The following COL5A1 variants were observed in gnomAD, a reference collection of about 807,000 sequenced individuals.
COL5A1 encodes collagen alpha-1(V) chain.
In COL5A1, 16 loss-of-function variants were observed where a neutral mutation model predicts 263.7. The observed-to-expected ratio is 0.06, with a 90% CI of 0.04 to 0.09. The LOEUF (loss-of-function observed/expected upper bound fraction) is 0.09. Among genes scored for constraint, COL5A1 ranks in the 10% least tolerant of loss-of-function variants. The pLI is 1.00. For synonymous variants in COL5A1, 1,012 were observed against 1,004.5 expected (o/e 1.01, Z -0.14); for missense variants, 2,036 against 2,540.5 (o/e 0.80, Z 4.27).
chr9:134,735,179 C>T (rs3128611), intron 9 of COL5A1, among the ~76,000 whole-genome samples: 51,285 of 150,458 alleles, frequency 0.34, 10,527 homozygotes, highest in African/African-American at 0.58. Context: ...CGCCACTGCA[C>T]TCCAGCCTGG....
intron 28 of COL5A1, among the ~76,000 whole-genome samples, chr9:134,780,777 G>A (rs750714813): frequency 2.6e-5 from 4 of 152,212 alleles, no homozygotes; most frequent in East Asian, 1.9e-4. Context: ...CTGCGTGGCC[G>A]GCCACCTTTC....
At chr9:134,812,425 A>G in intron 46 of COL5A1, 24 bp from the exon 47 acceptor site, 1 of 1,613,142 alleles carries the variant, frequency 6.2e-7, no homozygotes, top group East Asian at 2.2e-5. Context: ...AACAGCGCTT[A>G]ACTGGGAAGT....
At position 134,677,155 on chromosome 9, in the gene COL5A1, G is replaced by T. The variant is rs904691412; in HGVS notation, c.110-13757G>T. ...GGTGGCAGGGCCTCTCATCTTCCTT[G>T]AGCTTCATGAAGGAACAGTGTCTCT... On this transcript the variant is annotated intron_variant, in intron 1 of 65. Transcript: ENST00000371817. The surrounding 1 kb of genome is among the most constrained non-coding windows in gnomAD (Gnocchi z 4.4). 2.0e-5 allele frequency among the ~76,000 whole-genome samples: 3 copies of T among 152,172 alleles called. No homozygotes were observed. Among genetic ancestry groups the T allele is most frequent in the Admixed American group, 6.5e-5 (1 of 15,278 alleles).
Position 134,686,934 on chromosome 9 carries a change from C to T in COL5A1, c.110-3978C>T, listed in dbSNP as rs555550547. ...GCACACAGCTGATGGGAGCAAGCCACGATGGGGAAAGGGATTGAATGCAGG... is the reference window on the plus strand; with the variant it reads ...GCACACAGCTGATGGGAGCAAGCCATGATGGGGAAAGGGATTGAATGCAGG... On this transcript the variant is annotated intron_variant, in intron 1 of 65. Coordinates refer to ENST00000371817, the MANE Select transcript of COL5A1 (RefSeq NM_000093.5). The surrounding 1 kb of genome is among the most constrained non-coding windows in gnomAD (Gnocchi z 4.6). Among the ~76,000 whole-genome samples, 8 of 152,178 alleles carry T rather than the reference C, an allele frequency of 5.3e-5. No individual in the cohort carries two copies. The highest frequency in any genetic ancestry group is 8.8e-5 in the Non-Finnish European group (6 of 68,008).
In COL5A1 at chr9:134,824,380, C is replaced by T. The variant is rs138417343; in HGVS notation, c.4699-220C>T. On this transcript the variant is annotated intron_variant, in intron 61 of 65. Transcript: ENST00000371817. ...CTCTAGAGAGAAAGGAGAGGTGCTCCATGCTGGCAAGCACCTGGCAGTGGG... is the reference window on the plus strand; with the variant it reads ...CTCTAGAGAGAAAGGAGAGGTGCTCTATGCTGGCAAGCACCTGGCAGTGGG... 3.9e-5 allele frequency among the ~76,000 whole-genome samples: 6 copies of T among 152,330 alleles called. No homozygotes were observed. The South Asian group carries it at 6.2e-4, about 16-fold the overall frequency.
intron 4 of COL5A1, among the ~76,000 whole-genome samples, chr9:134,703,125 T>A (rs1054535735): frequency 2.0e-5 from 3 of 152,200 alleles, no homozygotes; most frequent in Non-Finnish European, 4.4e-5. Context: ...GTGGTGGAGA[T>A]TCTGCTGAAC....
At chr9:134,787,321 A>C (rs886675803) in intron 31 of COL5A1, among the ~76,000 whole-genome samples, 3 of 152,138 alleles carry the variant, frequency 2.0e-5, no homozygotes, top group Admixed American at 6.5e-5. Flanking sequence ...GCTCTGTGTC[A>C]CCTGCACTGA....
Position 134,840,137 on chromosome 9 carries a change from C to T in COL5A1, c.5371-2020C>T, listed in dbSNP as rs116677299. 5.4e-3 allele frequency among the ~76,000 whole-genome samples: 823 copies of T among 152,372 alleles called. 6 individuals are homozygous for T. The highest frequency in any genetic ancestry group is 0.019 in the African/African-American group (788 of 41,588). On this transcript the variant is annotated intron_variant, in intron 65 of 65. Coordinates refer to ENST00000371817, the MANE Select transcript of COL5A1 (RefSeq NM_000093.5). ...AAAATGCAGATTCCGAGTCCCACCC[C>T]AGCCAGACGGAGTCAGCCTCTCTGG...
In COL5A1 at chr9:134,818,806, A is replaced by C. The variant is rs1253923331; in HGVS notation, c.4339-42A>C. 3 of 1,612,450 alleles carry C rather than the reference A, an allele frequency of 1.9e-6. No homozygotes were observed. In the East Asian group the frequency reaches 6.7e-5, roughly 36 times the overall value. ...GGCAGAGGGGTTGCCGAGTGGAGGGACGGGGGACCAGCAACTCATGCAGAG... is the reference window on the plus strand; with the variant it reads ...GGCAGAGGGGTTGCCGAGTGGAGGGCCGGGGGACCAGCAACTCATGCAGAG... On this transcript the variant is annotated intron_variant, in intron 55 of 65. Coordinates refer to ENST00000371817, the MANE Select transcript of COL5A1 (RefSeq NM_000093.5). This position sits in a 1 kb window ranked among gnomAD's most constrained non-coding sequence, Gnocchi z 6.0.
In COL5A1 at chr9:134,830,034, G is replaced by T; in HGVS notation, c.5126G>T (p.Arg1709Leu). Reference protein sequence around the residue: ...NPGSWFSEFKRGKLLSYVDAE... With the variant: ...NPGSWFSEFKLGKLLSYVDAE... ...GGCTCCTGGTTCAGTGAATTCAAGC[G>T]TGGGAAACTGGTAAGGTGGCCTCTG... The change falls in exon 64 of 66, where the codon CGT (arginine) becomes CTT (leucine). Residue 1709 changes from arginine to leucine, a missense_variant. Coordinates refer to ENST00000371817, the MANE Select transcript of COL5A1 (RefSeq NM_000093.5). The T allele has an allele frequency of 1.9e-6, 3 of 1,614,040 alleles. No homozygotes were observed. The highest frequency in any genetic ancestry group is 2.5e-6 in the Non-Finnish European group (3 of 1,179,986).
At chr9:134,661,094 G>T (rs1476056402) in intron 1 of COL5A1, among the ~76,000 whole-genome samples, 1 of 151,826 alleles carries the variant, frequency 6.6e-6, no homozygotes, top group Non-Finnish European at 1.5e-5. Context: ...CAGAGGTGGG[G>T]TATGCTGGGT....
In COL5A1 at chr9:134,842,708, G is replaced by A; in HGVS notation, c.*405G>A. The A allele has an allele frequency of 3.7e-6, 1 of 269,792 alleles. No homozygotes were observed. Among genetic ancestry groups the A allele is most frequent in the Non-Finnish European group, 7.2e-6 (1 of 139,092 alleles). The allele number at this position is 269,792 out of a possible 1,614,324, so 16.7% of individuals were successfully genotyped here. ...TTTTCTAAATTCAACTTGAAGATGT[G>A]TATTTCCCCTGACCTTCAAAAAATG... is the stretch of plus-strand genomic sequence containing the variant. On this transcript the variant is annotated 3_prime_UTR_variant, in exon 66 of 66. Transcript: ENST00000371817. This position sits in a 1 kb window ranked among gnomAD's most constrained non-coding sequence, Gnocchi z 5.8.
intron 18 of COL5A1, among the ~76,000 whole-genome samples, chr9:134,760,518 CCA>C (rs1491104434): frequency 4.1e-5 from 5 of 120,856 alleles, no homozygotes; most frequent in African/African-American, 9.6e-5. Context: ...GCATACACAC[CCA>C]CACACCCCCA....
chr9:134,725,791 C>A (rs1046393678), intron 4 of COL5A1, among the ~76,000 whole-genome samples: 3 of 152,186 alleles, frequency 2.0e-5, no homozygotes, highest in African/African-American at 7.2e-5. Flanking sequence ...ACTTCCTTCC[C>A]TTTTGTGGTT....
chr9:134,696,267 A>G lies in COL5A1; in HGVS notation c.278-3642A>G, dbSNP rs1462123259. ...TGGCTCACGGCAACCTCTGCCTCCCAGGTTCAAGCGATTCTCCTGCCTCAG... is the reference window on the plus strand; with the variant it reads ...TGGCTCACGGCAACCTCTGCCTCCCGGGTTCAAGCGATTCTCCTGCCTCAG... On this transcript the variant is annotated intron_variant, in intron 2 of 65. Transcript: ENST00000371817. The surrounding 1 kb of genome is among the most constrained non-coding windows in gnomAD (Gnocchi z 4.3). 6.6e-6 allele frequency among the ~76,000 whole-genome samples: 1 copy of G among 152,062 alleles called. No individual in the cohort carries two copies. The highest frequency in any genetic ancestry group is 2.4e-5 in the African/African-American group (1 of 41,404).
chr9:134,649,496 C>G (rs1274046688), intron 1 of COL5A1: 1 of 471,322 alleles, frequency 2.1e-6, no homozygotes. Flanking sequence ...GTTTCCTAGA[C>G]CCGTGTTCTT....
In COL5A1 at chr9:134,758,115, G is replaced by A. The variant is rs961067537; in HGVS notation, c.1882-128G>A. ...TATGGGGAGAGGGCTGGCCGATGGG[G>A]TTCAGGGTGCATAGATGCTGTGTGA... On this transcript the variant is annotated intron_variant, in intron 17 of 65. Coordinates refer to ENST00000371817, the MANE Select transcript of COL5A1 (RefSeq NM_000093.5). This position sits in a 1 kb window ranked among gnomAD's most constrained non-coding sequence, Gnocchi z 4.1. 1.1e-6 allele frequency: 1 copy of A among 907,208 alleles called. No homozygotes were observed. The highest frequency in any genetic ancestry group is 2.4e-5 in the East Asian group (1 of 41,034). 56.2% of individuals were successfully genotyped at this position (907,208 alleles called of 1,614,324 possible). A position where few individuals can be genotyped will look rare whatever the true frequency, so the allele number is the denominator to read the frequency against.
intron 13 of COL5A1, among the ~76,000 whole-genome samples, chr9:134,752,334 C>T (rs887479102): frequency 2.6e-5 from 4 of 152,022 alleles, no homozygotes; most frequent in African/African-American, 9.7e-5. Flanking sequence ...GGGCCTATCC[C>T]CCAAGGGAGG....
intron 1 of COL5A1, among the ~76,000 whole-genome samples, chr9:134,674,473 G>A (rs1229165162): frequency 1.3e-5 from 2 of 152,142 alleles, no homozygotes; most frequent in African/African-American, 4.8e-5. Flanking sequence ...AGAGACATAA[G>A]GGAACTCCTG....
Sources: gnomAD v4.1 joint callset for allele counts (sites outside exome capture counted in the v4.1 genomes callset) on GRCh38, gnomAD v4.1.1 for gene constraint, Gnocchi (gnomAD v3.1) non-coding constraint, MANE v1.5 for transcripts, NCBI Gene and HGNC (gene_info 2026-07-23, HGNC 2026-07-21) for gene names.